GRID1: variants seen among roughly 807,000 people sequenced by gnomAD.
GRID1 encodes the protein glutamate ionotropic receptor delta type subunit 1.
GRID1 carries 28 observed loss-of-function variants against 98.0 expected under a neutral mutation model. The ratio of observed to expected loss-of-function variants is 0.29; its 90% confidence interval spans 0.21 to 0.39. The LOEUF is 0.39. GRID1 is among the 10% of genes least tolerant of loss of function. The pLI is 1.00. For synonymous variants in GRID1, 553 were observed against 538.5 expected, an observed-to-expected ratio of 1.03 and a Z score of -0.37; for missense variants, 1,111 against 1,340.5, an observed-to-expected ratio of 0.83 and a Z score of 2.67.
At chr10:85,714,169 CCA>C (rs1841612387) in intron 12 of GRID1, among the ~76,000 whole-genome samples, 1 of 148,936 alleles carries the variant, frequency 6.7e-6, no homozygotes, top group Non-Finnish European at 1.5e-5. Context: ...AAACTAAATA[CCA>C]CATGTTTTTA....
chr10:85,684,890 C>T (rs1012893881), intron 12 of GRID1, among the ~76,000 whole-genome samples: 13 of 152,298 alleles, frequency 8.5e-5, no homozygotes, highest in African/African-American at 3.1e-4. Context: ...ATCTCTTTCT[C>T]TTCTTACAAG....
At chr10:85,681,630 C>A (rs7914866) in intron 12 of GRID1, among the ~76,000 whole-genome samples, 5,322 of 152,164 alleles carry the variant, frequency 0.035, 276 homozygotes, top group African/African-American at 0.12. Flanking sequence ...AATCTTGCAC[C>A]TTCTTCACAG....
rs1453449295 is a variant in GRID1 at position 86,365,325 on chromosome 10, CA to C, written c.79+988del. On this transcript the variant is annotated intron_variant, in intron 1 of 15. Coordinates refer to ENST00000327946, the MANE Select transcript of GRID1 (RefSeq NM_017551.3). This position sits in a 1 kb window ranked among gnomAD's most constrained non-coding sequence, Gnocchi z 4.8. ...TTTCCCTGTGCTCGCTGGTCTTTCCCAACTTCCGGAAAGACGACTGCGGAGG... is the reference window on the plus strand; with the variant it reads ...TTTCCCTGTGCTCGCTGGTCTTTCCCACTTCCGGAAAGACGACTGCGGAGG... 6.6e-6 allele frequency among the ~76,000 whole-genome samples: 1 copy of C among 151,390 alleles called. No homozygotes were observed. Among genetic ancestry groups the C allele is most frequent in the African/African-American group, 2.4e-5 (1 of 41,120 alleles).
At chr10:86,239,828 T>C (rs996036500) in intron 2 of GRID1, among the ~76,000 whole-genome samples, 2 of 152,226 alleles carry the variant, frequency 1.3e-5, no homozygotes, top group Admixed American at 1.3e-4. Context: ...CTTTTCTTTA[T>C]AAATTACCCA....
chr10:86,252,427 A>G (rs1221964348), intron 2 of GRID1, among the ~76,000 whole-genome samples: 1 of 152,200 alleles, frequency 6.6e-6, no homozygotes, highest in Non-Finnish European at 1.5e-5. Flanking sequence ...ACATCCCTCC[A>G]TTAGAATACT....
chr10:86,166,916 T>C (rs925829016), intron 3 of GRID1, among the ~76,000 whole-genome samples: 1 of 152,210 alleles, frequency 6.6e-6, no homozygotes, highest in Non-Finnish European at 1.5e-5. Context: ...AAATCTCAAG[T>C]GCAAAACCTT....
At chr10:85,999,408 A>G (rs2131873791) in intron 4 of GRID1, among the ~76,000 whole-genome samples, 1 of 152,252 alleles carries the variant, frequency 6.6e-6, no homozygotes, top group East Asian at 1.9e-4. Flanking sequence ...AACAGCACCA[A>G]TTCTGCATAA....
chr10:86,343,964 C>T (rs369024755), intron 2 of GRID1, among the ~76,000 whole-genome samples: 10 of 152,266 alleles, frequency 6.6e-5, no homozygotes, highest in East Asian at 1.9e-4. Flanking sequence ...CACGTGGCCA[C>T]GCCTGGCCCT....
At chr10:86,169,171 G>A (rs558959390) in intron 3 of GRID1, among the ~76,000 whole-genome samples, 1 of 152,310 alleles carries the variant, frequency 6.6e-6, no homozygotes, top group East Asian at 1.9e-4. Flanking sequence ...GGTCACAGCA[G>A]ACCAAAAGGG....
intron 2 of GRID1, among the ~76,000 whole-genome samples, chr10:86,269,056 C>T (rs184947939): frequency 3.9e-5 from 6 of 152,178 alleles, no homozygotes; most frequent in African/African-American, 1.4e-4. Flanking sequence ...AGCTAAGTCA[C>T]GTCTGTGACC....
chr10:85,879,123 A>C (rs1156471202), intron 5 of GRID1, among the ~76,000 whole-genome samples: 1 of 152,198 alleles, frequency 6.6e-6, no homozygotes, highest in East Asian at 1.9e-4. Context: ...TCATAAAGCA[A>C]GTCCTGAGTG....
chr10:86,286,490 T>C (rs1460252858), intron 2 of GRID1, among the ~76,000 whole-genome samples: 1 of 152,192 alleles, frequency 6.6e-6, no homozygotes, highest in Non-Finnish European at 1.5e-5. Flanking sequence ...GCTCCACGAA[T>C]TCCCTGCGTC....
intron 5 of GRID1, among the ~76,000 whole-genome samples, chr10:85,877,503 C>CTGCTG (rs1840912299): frequency 6.6e-6 from 1 of 152,150 alleles, no homozygotes; most frequent in South Asian, 2.1e-4. Context: ...GACACCCAGG[C>CTGCTG]AAACAGGGTC....
At chr10:86,180,769 G>GC (rs748246077) in intron 3 of GRID1, among the ~76,000 whole-genome samples, 3 of 152,102 alleles carry the variant, frequency 2.0e-5, no homozygotes, top group Non-Finnish European at 4.4e-5. Context: ...CTGCGGCCAG[G>GC]CCCGGGAACT....
intron 4 of GRID1, among the ~76,000 whole-genome samples, chr10:86,055,362 T>A (rs1291909240): frequency 6.6e-6 from 1 of 152,172 alleles, no homozygotes. Context: ...ATATGTTGAA[T>A]CCTTAACCAC....
intron 2 of GRID1, among the ~76,000 whole-genome samples, chr10:86,212,443 C>T (rs1465963655): frequency 6.6e-6 from 1 of 152,236 alleles, no homozygotes; most frequent in East Asian, 1.9e-4. Context: ...GAGAAACAAC[C>T]TGATGCCCTA....
intron 4 of GRID1, among the ~76,000 whole-genome samples, chr10:85,963,981 T>C (rs1243786406): frequency 6.6e-6 from 1 of 152,130 alleles, no homozygotes; most frequent in Non-Finnish European, 1.5e-5. Context: ...CAAGCATCCC[T>C]ACAGCAATAA....
chr10:85,891,048 C>G (rs1310057826), intron 5 of GRID1, among the ~76,000 whole-genome samples: 3 of 152,104 alleles, frequency 2.0e-5, no homozygotes, highest in African/African-American at 7.2e-5. Context: ...CATTTGCTTG[C>G]CTGTTGCAAA....
At chr10:85,768,578 T>G (rs998906090) in intron 8 of GRID1, among the ~76,000 whole-genome samples, 1 of 152,162 alleles carries the variant, frequency 6.6e-6, no homozygotes, top group Non-Finnish European at 1.5e-5. Flanking sequence ...TCTGGAAAAA[T>G]TATAAGACTA....
Sources: allele counts gnomAD v4.1 joint callset (sites outside exome capture counted in the v4.1 genomes callset), GRCh38; gene constraint gnomAD v4.1.1; non-coding constraint Gnocchi (gnomAD v3.1); transcripts MANE v1.5; gene names NCBI Gene and HGNC (gene_info 2026-07-23, HGNC 2026-07-21).